Variants in TNPO1 observed in about 807,000 individuals in gnomAD.
TNPO1 encodes the protein transportin-1.
TNPO1 carries 8 observed loss-of-function variants against 119.5 expected under a neutral mutation model. The observed-to-expected ratio is 0.07, with a 90% CI of 0.04 to 0.12. The LOEUF (loss-of-function observed/expected upper bound fraction) is 0.12. TNPO1 is among the 10% of genes least tolerant of loss of function. The pLI is 1.00. For synonymous variants in TNPO1, 362 were observed against 363.0 expected (o/e 1.00, Z 0.03); for missense variants, 576 against 1,089.8 (o/e 0.53, Z 6.64).
intron 6 of TNPO1, among the ~76,000 whole-genome samples, chr5:72,868,056 T>C (rs1398860108): frequency 6.6e-6 from 1 of 152,218 alleles, no homozygotes; most frequent in Non-Finnish European, 1.5e-5. Context: ...TCTCATCCTT[T>C]ATCAGTTATG....
intron 12 of TNPO1, 70 bp from the exon 13 acceptor site, chr5:72,888,008 T>A (rs553471577): frequency 6.9e-7 from 1 of 1,447,298 alleles, no homozygotes; most frequent in East Asian, 2.3e-5. Context: ...GATACGTGTT[T>A]TATTTTCATA....
rs1747868345 is a variant in TNPO1 at position 72,877,326 on chromosome 5, A to G, written c.900A>G (p.Val300=). 6.2e-7 allele frequency: 1 copy of G among 1,601,592 alleles called. No homozygotes were observed. The highest frequency in any genetic ancestry group is 1.1e-5 in the South Asian group (1 of 90,096). ...TLAEQPICKD[V]LVRHLPKLIP... ...CTGAACAGCCAATATGCAAAGATGT[A>G]CTCGTAAGGCATCTTCCTAAGTAAG... The change falls in exon 9 of 25, where the codon GTA becomes GTG. Residue 300 remains valine (V), a synonymous_variant. Coordinates refer to ENST00000337273, the MANE Select transcript of TNPO1 (RefSeq NM_002270.4).
Position 72,903,699 on chromosome 5 carries a change from C to A in TNPO1, c.2515-10C>A. ...ATATCAACCTAAGATGTATTTCTTG[C>A]TTGTTACAGGATTTTATATTTTTTT... On this transcript the variant is annotated splice_polypyrimidine_tract_variant and intron_variant, in intron 22 of 24. Transcript: ENST00000337273. The A allele has an allele frequency of 6.3e-7, 1 of 1,589,634 alleles. No individual in the cohort carries two copies. Among genetic ancestry groups the A allele is most frequent in the Non-Finnish European group, 8.6e-7 (1 of 1,165,302 alleles).
intron 1 of TNPO1, among the ~76,000 whole-genome samples, chr5:72,824,594 G>A (rs1018619147): frequency 2.0e-5 from 3 of 152,130 alleles, no homozygotes; most frequent in Non-Finnish European, 4.4e-5. Context: ...GACGTCACAC[G>A]TTCCTGGTTA....
At chr5:72,901,787 A>G (rs922452836) in intron 22 of TNPO1, among the ~76,000 whole-genome samples, 2 of 152,232 alleles carry the variant, frequency 1.3e-5, no homozygotes, top group African/African-American at 4.8e-5. Flanking sequence ...CGTGGAAGGA[A>G]TCCTGTAGAC....
intron 1 of TNPO1, among the ~76,000 whole-genome samples, chr5:72,826,446 T>G (rs1449516644): frequency 2.6e-5 from 4 of 152,242 alleles, no homozygotes; most frequent in Admixed American, 2.6e-4. Context: ...AAAAAAAGTT[T>G]ACACTATGTA....
chr5:72,892,096 T>TCTA (rs1749103618), intron 15 of TNPO1, among the ~76,000 whole-genome samples, 200 bp downstream of exon 15: 1 of 152,080 alleles, frequency 6.6e-6, no homozygotes, highest in Non-Finnish European at 1.5e-5. Flanking sequence ...TTATCTACTC[T>TCTA]CTATATAGAG....
chr5:72,879,888 T>G (rs1253906966), intron 9 of TNPO1, among the ~76,000 whole-genome samples: 1 of 152,098 alleles, frequency 6.6e-6, no homozygotes, highest in Non-Finnish European at 1.5e-5. Flanking sequence ...ATAAACTCAT[T>G]TAGAAAGCAC....
chr5:72,882,697 A>G (rs1466029563), intron 10 of TNPO1, among the ~76,000 whole-genome samples, 170 bp downstream of exon 10: 1 of 152,200 alleles, frequency 6.6e-6, no homozygotes, highest in Non-Finnish European at 1.5e-5. Context: ...TTCTTGCTTA[A>G]TTTGGTACTA....
intron 4 of TNPO1, among the ~76,000 whole-genome samples, chr5:72,861,546 C>T (rs755258802): frequency 5.3e-5 from 8 of 152,038 alleles, no homozygotes; most frequent in Non-Finnish European, 1.0e-4. Context: ...GGATCACAGG[C>T]GCATACCATC....
rs1354086827 is a variant in TNPO1 at position 72,816,688 on chromosome 5, A to T, written c.-50A>T. On this transcript the variant is annotated 5_prime_UTR_variant, in exon 1 of 25. Coordinates refer to ENST00000337273, the MANE Select transcript of TNPO1 (RefSeq NM_002270.4). The stretch of plus-strand genomic sequence containing the variant: ...TCCGCAGCCATTTCAGGCCCCGGAC[A>T]GGAGGCAGTGCCGCTTCGGCCGAAG... 3 of 1,539,752 alleles carry T rather than the reference A, an allele frequency of 1.9e-6. No homozygotes were observed. In the African/African-American group the frequency reaches 4.3e-5, roughly 22 times the overall value.
intron 6 of TNPO1, among the ~76,000 whole-genome samples, chr5:72,871,075 T>G (rs1243537220): frequency 6.6e-6 from 1 of 152,110 alleles, no homozygotes; most frequent in Non-Finnish European, 1.5e-5. Flanking sequence ...GTTCAAGCGA[T>G]TCTCCTGCCT....
chr5:72,862,134 G>A (rs1220318043), intron 5 of TNPO1, among the ~76,000 whole-genome samples: 3 of 152,162 alleles, frequency 2.0e-5, no homozygotes, highest in Admixed American at 1.3e-4. Context: ...ACACAAGGAC[G>A]TATCTTGCTT....
chr5:72,827,853 A>G (rs1335671180), intron 1 of TNPO1, among the ~76,000 whole-genome samples: 1 of 151,574 alleles, frequency 6.6e-6, no homozygotes, highest in Non-Finnish European at 1.5e-5. Flanking sequence ...CTGGGAGGTC[A>G]AGGTTGCAGT....
At chr5:72,852,060 C>T (rs1423743855) in intron 3 of TNPO1, among the ~76,000 whole-genome samples, 1 of 152,062 alleles carries the variant, frequency 6.6e-6, no homozygotes, top group African/African-American at 2.4e-5. Flanking sequence ...CAATTATATC[C>T]TTCTCTGCTC....
chr5:72,830,151 A>G (rs1744393311), intron 1 of TNPO1, among the ~76,000 whole-genome samples: 1 of 152,192 alleles, frequency 6.6e-6, no homozygotes, highest in African/African-American at 2.4e-5. Context: ...GATGAGACAT[A>G]AAAAGGATAA....
At chr5:72,884,651 T>C (rs569452726) in intron 11 of TNPO1, among the ~76,000 whole-genome samples, 1 of 152,352 alleles carries the variant, frequency 6.6e-6, no homozygotes, top group African/African-American at 2.4e-5. Flanking sequence ...TAAACACCTG[T>C]GTTCTGATTT....
chr5:72,853,174 G>A (rs904358577), intron 3 of TNPO1, among the ~76,000 whole-genome samples: 2 of 152,194 alleles, frequency 1.3e-5, no homozygotes, highest in African/African-American at 2.4e-5. Context: ...CCTCAGGCCA[G>A]GCAAGGTGGC....
chr5:72,857,058 CGCTGT>C (rs1485067931), intron 4 of TNPO1, among the ~76,000 whole-genome samples: 1 of 151,996 alleles, frequency 6.6e-6, no homozygotes, highest in Non-Finnish European at 1.5e-5. Context: ...CGATGGCTCA[CGCTGT>C]AATCCCAGCA....
Sources: gnomAD v4.1 joint callset for allele counts (sites outside exome capture counted in the v4.1 genomes callset) on GRCh38, gnomAD v4.1.1 for gene constraint, MANE v1.5 for transcripts, NCBI Gene and HGNC (gene_info 2026-07-23, HGNC 2026-07-21) for gene names.